Variants in CELF2 observed in about 807,000 individuals in gnomAD.
CELF2 encodes CUG triplet repeat RNA-binding protein 2.
In CELF2, 8 loss-of-function variants were observed where a neutral mutation model predicts 62.6. That is an observed-to-expected ratio of 0.13 (90% CI 0.07 to 0.23). CELF2 has a LOEUF of 0.23. Among genes scored for constraint, CELF2 ranks in the 10% least tolerant of loss-of-function variants. The pLI is 1.00. For synonymous variants in CELF2, 258 were observed against 250.0 expected, an observed-to-expected ratio of 1.03 and a Z score of -0.30; for missense variants, 333 against 671.0, an observed-to-expected ratio of 0.50 and a Z score of 5.56.
chr10:10,681,793 C>G, the CELF2 span, among the ~76,000 whole-genome samples: 1 of 152,094 alleles, frequency 6.6e-6, no homozygotes, highest in South Asian at 2.1e-4. Flanking sequence ...CCTCCCAGCT[C>G]CTAATTCATC....
intron 3 of CELF2, among the ~76,000 whole-genome samples, chr10:11,221,151 G>A (rs1042999393): frequency 6.6e-6 from 1 of 152,330 alleles, no homozygotes; most frequent in Middle Eastern, 3.4e-3. Context: ...TTGGTGCCTT[G>A]TTAGGCTGAC....
chr10:10,591,239 C>T, the CELF2 span, among the ~76,000 whole-genome samples: 44 of 151,978 alleles, frequency 2.9e-4, 1 homozygote, highest in East Asian at 9.7e-4. Context: ...TTCAATATTG[C>T]GTTATTTATA....
At chr10:11,059,321 TTGAGTA>T (rs1277790411) in intron 1 of CELF2, among the ~76,000 whole-genome samples, 1 of 152,210 alleles carries the variant, frequency 6.6e-6, no homozygotes, top group African/African-American at 2.4e-5. Context: ...AAACCTGTGC[TTGAGTA>T]TATTTGTCTT....
intron 2 of CELF2, among the ~76,000 whole-genome samples, chr10:10,998,604 C>T (rs767660477): frequency 1.3e-5 from 2 of 152,118 alleles, no homozygotes; most frequent in African/African-American, 4.8e-5. Flanking sequence ...GTAAGAGTAA[C>T]TTGCTGTTGA....
At chr10:10,979,527 C>T (rs559095129) in intron 2 of CELF2, among the ~76,000 whole-genome samples, 5 of 151,786 alleles carry the variant, frequency 3.3e-5, no homozygotes, top group Admixed American at 6.6e-5. Context: ...AAAAATTAGC[C>T]GGGCATGGTG....
intron 9 of CELF2, among the ~76,000 whole-genome samples, chr10:11,304,519 T>C (rs2094044630): frequency 6.6e-6 from 1 of 152,204 alleles, no homozygotes; most frequent in African/African-American, 2.4e-5. Flanking sequence ...GCCTTCTTGC[T>C]GGTGGGGACT....
intron 2 of CELF2, among the ~76,000 whole-genome samples, chr10:11,185,904 A>G (rs1417159278): frequency 6.6e-6 from 1 of 152,236 alleles, no homozygotes; most frequent in African/African-American, 2.4e-5. Flanking sequence ...AAAATTGTGT[A>G]TAAAGTTGTA....
At chr10:11,258,824 C>T (rs751226112) in intron 5 of CELF2, among the ~76,000 whole-genome samples, 5 of 152,188 alleles carry the variant, frequency 3.3e-5, no homozygotes, top group African/African-American at 4.8e-5. Flanking sequence ...GGAGCTGGGA[C>T]GACAGGTGCA....
the CELF2 span, among the ~76,000 whole-genome samples, chr10:10,737,746 G>T: frequency 1.3e-5 from 2 of 151,702 alleles, no homozygotes; most frequent in African/African-American, 4.9e-5. Context: ...ACCTTGGCAG[G>T]TTCCCTGCCA....
intron 1 of CELF2, among the ~76,000 whole-genome samples, chr10:10,827,267 A>G (rs556663550): frequency 1.3e-5 from 2 of 152,288 alleles, no homozygotes; most frequent in South Asian, 2.1e-4. Context: ...GCAGAAGGTA[A>G]ACATCTCAAT....
rs2143382635 is a variant in CELF2, at chr10:11,114,275, C to G, written c.75-51211C>G. On this transcript the variant is annotated intron_variant, in intron 1 of 12. Coordinates refer to ENST00000633077, the MANE Select transcript of CELF2 (RefSeq NM_001326342.2). ...AAAAGACTTTAAGAAATGTTTTGAA[C>G]ATAGAAATAATAATTTCTTAATATC... 2.6e-5 allele frequency among the ~76,000 whole-genome samples: 4 copies of G among 152,250 alleles called. No individual in the cohort carries two copies. The South Asian group carries it at 8.3e-4, about 32-fold the overall frequency.
At chr10:10,816,132 C>T (rs978186371) in intron 1 of CELF2, among the ~76,000 whole-genome samples, 2 of 152,068 alleles carry the variant, frequency 1.3e-5, no homozygotes, top group Non-Finnish European at 2.9e-5. Flanking sequence ...CATCTTGAGA[C>T]CATAAGTTTC....
At chr10:10,715,708 T>C in the CELF2 span, among the ~76,000 whole-genome samples, 1 of 152,198 alleles carries the variant, frequency 6.6e-6, no homozygotes, top group Non-Finnish European at 1.5e-5. Context: ...AACCATCATT[T>C]TCCCAGAGAC....
chr10:11,073,780 G>A (rs2070941869), intron 1 of CELF2, among the ~76,000 whole-genome samples: 1 of 152,212 alleles, frequency 6.6e-6, no homozygotes, highest in South Asian at 2.1e-4. Context: ...TGGCTGCAGG[G>A]TGGTGGCTGG....
intron 2 of CELF2, chr10:10,923,965 T>C (rs1038427937): frequency 1.3e-5 from 2 of 152,186 alleles, no homozygotes; most frequent in African/African-American, 4.8e-5. Flanking sequence ...ATCTGGTTTT[T>C]AGGATGAAGG....
the CELF2 span, among the ~76,000 whole-genome samples, chr10:10,665,131 G>A: frequency 1.3e-5 from 2 of 152,094 alleles, no homozygotes; most frequent in Non-Finnish European, 2.9e-5. Context: ...TAAGTACAGT[G>A]AAAACCAGTT....
At chr10:10,545,296 A>G in the CELF2 span, among the ~76,000 whole-genome samples, 2 of 152,210 alleles carry the variant, frequency 1.3e-5, no homozygotes, top group African/African-American at 2.4e-5. Flanking sequence ...GTCAGGAAGC[A>G]TAATTCACAT....
At chr10:11,104,657 A>G (rs1037784795) in intron 1 of CELF2, among the ~76,000 whole-genome samples, 2 of 152,368 alleles carry the variant, frequency 1.3e-5, no homozygotes, top group East Asian at 3.9e-4. Flanking sequence ...ACTCCAGTCT[A>G]GGTGACAGAA....
chr10:10,961,276 G>T (rs996478322), intron 2 of CELF2, among the ~76,000 whole-genome samples: 1 of 152,164 alleles, frequency 6.6e-6, no homozygotes, highest in African/African-American at 2.4e-5. Context: ...ATTGGCAGAA[G>T]ATTACACTGT....
Sources: allele counts gnomAD v4.1 joint callset (sites outside exome capture counted in the v4.1 genomes callset), GRCh38; gene constraint gnomAD v4.1.1; transcripts MANE v1.5; gene names NCBI Gene and HGNC (gene_info 2026-07-23, HGNC 2026-07-21).